The following COBL variants were observed in gnomAD, a reference collection of about 807,000 sequenced individuals.
COBL encodes the protein cordon-bleu WH2 repeat protein.
Under a neutral mutation model 98.8 loss-of-function variants are expected in COBL, and 51 were observed. The observed-to-expected ratio is 0.52, with a 90% confidence interval of 0.41 to 0.65. COBL has a LOEUF of 0.65. Among genes scored for constraint, COBL ranks in the 30% least tolerant of loss-of-function variants. The pLI is 0.00. For missense variants in COBL, 1,617 were observed against 1,617.5 expected, an observed-to-expected ratio of 1.00 and a Z score of 0.01; for synonymous variants, 634 against 651.7, an observed-to-expected ratio of 0.97 and a Z score of 0.41.
intron 1 of COBL, among the ~76,000 whole-genome samples, chr7:51,315,903 G>A (rs1467569126): frequency 6.6e-6 from 1 of 151,962 alleles, no homozygotes; most frequent in Non-Finnish European, 1.5e-5. Context: ...AGACAGGGAT[G>A]GGCCGCCAGA....
At chr7:51,102,600 G>A (rs1427761403) in intron 6 of COBL, among the ~76,000 whole-genome samples, 2 of 152,078 alleles carry the variant, frequency 1.3e-5, no homozygotes, top group Non-Finnish European at 2.9e-5. Flanking sequence ...TTAGGTTCAC[G>A]TTATTCTTAG....
At chr7:51,117,187 A>T (rs1282922410) in intron 6 of COBL, among the ~76,000 whole-genome samples, 1 of 126,004 alleles carries the variant, frequency 7.9e-6, no homozygotes, top group Non-Finnish European at 1.7e-5. Context: ...GTAGCTATGC[A>T]CAGTTTTCTT....
chr7:51,281,784 A>C (rs1207466471), intron 1 of COBL, among the ~76,000 whole-genome samples: 3 of 152,332 alleles, frequency 2.0e-5, no homozygotes, highest in African/African-American at 7.2e-5. Flanking sequence ...TAATTGTTAA[A>C]GTAAGTTCTT....
At chr7:51,135,420 A>G (rs1303666997) in intron 6 of COBL, among the ~76,000 whole-genome samples, 2 of 152,204 alleles carry the variant, frequency 1.3e-5, no homozygotes, top group Non-Finnish European at 2.9e-5. Flanking sequence ...GAAGGAACAG[A>G]GATGGATGAC....
rs558282203 is a variant in COBL, at chr7:51,259,592, G to A, written c.42-39648C>T. Reference sequence around the variant, plus strand: ...TCTCCTGGAAATGCTTCTCCAGGAAGGCAATTTCATGAATGAGGTCTTCCA... The same window carrying A: ...TCTCCTGGAAATGCTTCTCCAGGAAAGCAATTTCATGAATGAGGTCTTCCA... On this transcript the variant is annotated intron_variant, in intron 1 of 12. Coordinates refer to ENST00000265136, the MANE Select transcript of COBL (RefSeq NM_015198.5). The A allele has an allele frequency of 2.9e-4, 217 of 746,662 alleles. 2 individuals carry two copies. In the African/African-American group the frequency reaches 3.3e-3, roughly 11 times the overall value. The allele number at this position is 746,662 out of a possible 1,614,324, so 46.3% of individuals were successfully genotyped here. A position where few individuals can be genotyped will look rare whatever the true frequency, so the allele number is the denominator to read the frequency against.
intron 1 of COBL, among the ~76,000 whole-genome samples, chr7:51,252,197 C>T (rs1344268897): frequency 6.6e-6 from 1 of 152,098 alleles, no homozygotes; most frequent in Non-Finnish European, 1.5e-5. Flanking sequence ...TAAAAACAGG[C>T]TTATTGAGAT....
At chr7:51,242,855 C>T (rs1301823397) in intron 1 of COBL, among the ~76,000 whole-genome samples, 1 of 152,136 alleles carries the variant, frequency 6.6e-6, no homozygotes, top group African/African-American at 2.4e-5. Context: ...AACATTATCA[C>T]CTCCGCACAG....
intron 2 of COBL, among the ~76,000 whole-genome samples, chr7:51,199,900 T>C (rs1790955273): frequency 6.6e-6 from 1 of 152,106 alleles, no homozygotes; most frequent in African/African-American, 2.4e-5. Context: ...CAGAGGGAAG[T>C]TGACATAAAG....
At chr7:51,266,624 A>G (rs1356097144) in intron 1 of COBL, among the ~76,000 whole-genome samples, 1 of 152,206 alleles carries the variant, frequency 6.6e-6, no homozygotes, top group Non-Finnish European at 1.5e-5. Context: ...TTTAAATGAC[A>G]AAGTGAGAAA....
In COBL at chr7:51,150,680, G is replaced by A. The variant is rs533601940; in HGVS notation, c.784-14349C>T. 1.6e-4 allele frequency among the ~76,000 whole-genome samples: 25 copies of A among 152,140 alleles called. No homozygotes were observed. In the South Asian group the frequency reaches 4.4e-3, roughly 27 times the overall value. On this transcript the variant is annotated intron_variant, in intron 5 of 12. Transcript: ENST00000265136. ...GAGACCAGGTTGACACAACTACTTC[G>A]CCACTTTCAGTAGATGATTCTAGTT...
intron 5 of COBL, 43 bp from the exon 6 acceptor site, chr7:51,136,374 T>C: frequency 6.4e-7 from 1 of 1,574,406 alleles, no homozygotes; most frequent in Non-Finnish European, 8.6e-7. Context: ...CAGTATGAGA[T>C]GACTTCTCCC....
chr7:51,195,531 G>GT (rs1342477053), intron 2 of COBL, among the ~76,000 whole-genome samples: 1 of 152,142 alleles, frequency 6.6e-6, no homozygotes, highest in Non-Finnish European at 1.5e-5. Context: ...TTTTAAAATA[G>GT]TTTTTTCTAG....
At chr7:51,291,267 CAG>C (rs919032055) in intron 1 of COBL, among the ~76,000 whole-genome samples, 4 of 152,206 alleles carry the variant, frequency 2.6e-5, no homozygotes, top group Non-Finnish European at 4.4e-5. Flanking sequence ...GGCACATTCA[CAG>C]AGTCACCAGA....
At chr7:51,315,431 A>T (rs1321380586) in intron 1 of COBL, among the ~76,000 whole-genome samples, 1 of 152,222 alleles carries the variant, frequency 6.6e-6, no homozygotes, top group Non-Finnish European at 1.5e-5. Context: ...ACGCCCGCCT[A>T]TGGGCACATG....
chr7:51,121,525 AT>A (rs1213073720), intron 6 of COBL, among the ~76,000 whole-genome samples: 1 of 152,192 alleles, frequency 6.6e-6, no homozygotes, highest in Non-Finnish European at 1.5e-5. Context: ...AGATACTAAA[AT>A]TTTGTAAGTT....
At chr7:51,168,504 G>A (rs1787552461) in intron 5 of COBL, among the ~76,000 whole-genome samples, 1 of 151,904 alleles carries the variant, frequency 6.6e-6, no homozygotes, top group South Asian at 2.1e-4. Context: ...TGGCAAACAG[G>A]CATATGAAAA....
intron 6 of COBL, among the ~76,000 whole-genome samples, chr7:51,127,676 T>TG (rs767546308): frequency 2.0e-5 from 3 of 152,222 alleles, no homozygotes; most frequent in Admixed American, 6.5e-5. Context: ...CTGAAAAGTC[T>TG]GGGGGGCGTG....
At chr7:51,108,915 T>C (rs13240335) in intron 6 of COBL, among the ~76,000 whole-genome samples, 118 of 79,964 alleles carry the variant, frequency 1.5e-3, no homozygotes, top group African/African-American at 3.9e-3. Flanking sequence ...CACTGACACA[T>C]AGACACACAC....
intron 5 of COBL, among the ~76,000 whole-genome samples, chr7:51,172,192 A>T (rs1351394419): frequency 1.3e-5 from 2 of 152,262 alleles, no homozygotes; most frequent in Admixed American, 6.5e-5. Context: ...AGTTTCGGGA[A>T]GCATGAATTC....
Sources: allele counts gnomAD v4.1 joint callset (sites outside exome capture counted in the v4.1 genomes callset), GRCh38; gene constraint gnomAD v4.1.1; transcripts MANE v1.5; gene names NCBI Gene and HGNC (gene_info 2026-07-23, HGNC 2026-07-21).